Variants in XKR6 observed in about 807,000 individuals in gnomAD.
XKR6 encodes XK-related protein 6.
In XKR6, 22 loss-of-function variants were observed where a neutral mutation model predicts 56.7. That is an observed-to-expected ratio of 0.39 (90% CI 0.28 to 0.55). The LOEUF (loss-of-function observed/expected upper bound fraction) is 0.55, where lower values mean the gene tolerates loss of function less well. Ranked by LOEUF, XKR6 falls within the 20% of genes least tolerant of loss-of-function variation. The pLI, the probability that XKR6 is intolerant of heterozygous loss-of-function variation, is 0.66. For synonymous variants in XKR6, 524 were observed against 387.8 expected, an observed-to-expected ratio of 1.35 and a Z score of -4.13; for missense variants, 852 against 889.0, an observed-to-expected ratio of 0.96 and a Z score of 0.53.
chr8:11,113,456 C>T (rs900111745), intron 1 of XKR6, among the ~76,000 whole-genome samples: 12 of 152,140 alleles, frequency 7.9e-5, no homozygotes, highest in African/African-American at 2.9e-4. Flanking sequence ...TATATTTGAA[C>T]ATGTAATAGC....
At chr8:11,100,333 G>C (rs769158665) in intron 1 of XKR6, among the ~76,000 whole-genome samples, 1 of 152,218 alleles carries the variant, frequency 6.6e-6, no homozygotes, top group Non-Finnish European at 1.5e-5. Context: ...GGGATTACAA[G>C]TGTGAGCCAA....
intron 1 of XKR6, among the ~76,000 whole-genome samples, chr8:10,991,975 C>G (rs1336970245): frequency 6.6e-6 from 1 of 152,238 alleles, no homozygotes; most frequent in Non-Finnish European, 1.5e-5. Context: ...CACATTCTAA[C>G]TTCCTGTCTA....
chr8:11,186,981 C>A lies in XKR6; in HGVS notation c.764+13595G>T, dbSNP rs78337825. 6.8e-3 allele frequency among the ~76,000 whole-genome samples: 1,037 copies of A among 152,236 alleles called. 16 individuals carry two copies. Among genetic ancestry groups the A allele is most frequent in the African/African-American group, 0.023 (951 of 41,538 alleles). Reference sequence around the variant, plus strand: ...CCCTTCAAAAAGAAAGAGAAAAAAACCATGAAAACAGATTGTTTAGACTGC... The same window carrying A: ...CCCTTCAAAAAGAAAGAGAAAAAAAACATGAAAACAGATTGTTTAGACTGC... On this transcript the variant is annotated intron_variant, in intron 1 of 2. Transcript: ENST00000416569.
chr8:11,030,356 G>C (rs900401444), intron 1 of XKR6, among the ~76,000 whole-genome samples: 9 of 152,206 alleles, frequency 5.9e-5, no homozygotes, highest in African/African-American at 2.2e-4. Flanking sequence ...TGCTGCCATT[G>C]TTTCTCTGCA....
chr8:11,055,594 G>T (rs990338186), intron 1 of XKR6, among the ~76,000 whole-genome samples: 1 of 152,200 alleles, frequency 6.6e-6, no homozygotes, highest in Non-Finnish European at 1.5e-5. Flanking sequence ...AAGTCTGGCC[G>T]CTGCCCCCAA....
At chr8:10,909,899 T>C (rs369087955) in intron 2 of XKR6, among the ~76,000 whole-genome samples, 2 of 152,190 alleles carry the variant, frequency 1.3e-5, no homozygotes, top group East Asian at 1.9e-4. Flanking sequence ...GAGGAAGGAA[T>C]TGAGGCTCAG....
At chr8:11,021,885 A>G (rs977640539) in intron 1 of XKR6, among the ~76,000 whole-genome samples, 2 of 151,838 alleles carry the variant, frequency 1.3e-5, no homozygotes, top group African/African-American at 2.4e-5. Context: ...TGTTCCATAT[A>G]AACCTTTTTC....
chr8:11,090,928 T>G (rs1023386621), intron 1 of XKR6, among the ~76,000 whole-genome samples: 1 of 152,154 alleles, frequency 6.6e-6, no homozygotes. Context: ...ATTTGATAGA[T>G]GAGAAAACTG....
At chr8:11,108,119 A>G (rs1396403363) in intron 1 of XKR6, 1 of 341,436 alleles carries the variant, frequency 2.9e-6, no homozygotes, top group Non-Finnish European at 5.7e-6. Flanking sequence ...GAAACACGCA[A>G]AGGGACCCGT....
intron 1 of XKR6, among the ~76,000 whole-genome samples, chr8:11,006,962 C>T (rs1021721898): frequency 4.6e-5 from 7 of 152,188 alleles, no homozygotes; most frequent in African/African-American, 1.7e-4. Flanking sequence ...TCCTGTTTCC[C>T]TTTACTAATG....
chr8:11,136,669 C>T (rs1260704878), intron 1 of XKR6, among the ~76,000 whole-genome samples: 2 of 152,136 alleles, frequency 1.3e-5, no homozygotes, highest in African/African-American at 4.8e-5. Context: ...CTCTTTACCA[C>T]GTGAAGACAG....
intron 1 of XKR6, among the ~76,000 whole-genome samples, chr8:11,072,867 T>C (rs1043738500): frequency 6.6e-6 from 1 of 152,128 alleles, no homozygotes; most frequent in African/African-American, 2.4e-5. Flanking sequence ...CTGGCCAACA[T>C]GGTGAAACCC....
At chr8:11,090,568 C>T (rs2129172540) in intron 1 of XKR6, among the ~76,000 whole-genome samples, 1 of 152,266 alleles carries the variant, frequency 6.6e-6, no homozygotes, top group Middle Eastern at 3.4e-3. Flanking sequence ...CACTTGCCTG[C>T]ATTTTATGCC....
At chr8:10,997,563 G>A (rs982249050) in intron 1 of XKR6, among the ~76,000 whole-genome samples, 1 of 152,204 alleles carries the variant, frequency 6.6e-6, no homozygotes, top group East Asian at 1.9e-4. Flanking sequence ...TTACAAATGA[G>A]ATGAGGGTTA....
intron 1 of XKR6, among the ~76,000 whole-genome samples, chr8:11,132,110 T>C: frequency 6.6e-6 from 1 of 152,200 alleles, no homozygotes; most frequent in East Asian, 1.9e-4. Flanking sequence ...ATGCAGTAGG[T>C]CTGGTGCAGC....
At chr8:11,027,555 T>C (rs192531009) in intron 1 of XKR6, among the ~76,000 whole-genome samples, 6 of 152,312 alleles carry the variant, frequency 3.9e-5, no homozygotes, top group East Asian at 1.9e-4. Flanking sequence ...GTCAAGCTAA[T>C]TGAGGCTCAG....
At position 11,201,030 on chromosome 8, in the gene XKR6, C is replaced by A; in HGVS notation, c.310G>T (p.Gly104Cys). Residue 104 changes from glycine to cysteine, a missense_variant, in exon 1 of 3, where the codon GGC (glycine) becomes TGC (cysteine). By Grantham distance (159) the Gly-to-Cys change is radical. Around this residue, in one of 4 missense-constraint regions of XKR6, gnomAD observed 417 missense variants for 355.2 expected, o/e 1.17. Coordinates refer to ENST00000416569, the MANE Select transcript of XKR6 (RefSeq NM_173683.4). ...GCCGAGGGCGTCGGGGGTTGGCGGCCGGCGCCGGGGGCCGCGGGAGGCTGC... is the reference window on the plus strand; with the variant it reads ...GCCGAGGGCGTCGGGGGTTGGCGGCAGGCGCCGGGGGCCGCGGGAGGCTGC... ...PLQPPAAPGAGRQPPTPSAAR... is the reference protein window; with the variant it reads ...PLQPPAAPGACRQPPTPSAAR... The A allele has an allele frequency of 8.3e-7, 1 of 1,205,828 alleles. No individual in the cohort carries two copies. Among genetic ancestry groups the A allele is most frequent in the Non-Finnish European group, 1.0e-6 (1 of 975,592 alleles). 74.7% of individuals were successfully genotyped at this position (1,205,828 alleles called of 1,614,324 possible).
chr8:10,898,357 G>A lies in XKR6; in HGVS notation c.1521C>T (p.Ile507=), dbSNP rs1207791967. The A allele has an allele frequency of 2.5e-6, 4 of 1,613,934 alleles. No individual in the cohort carries two copies. Among genetic ancestry groups the A allele is most frequent in the African/African-American group, 2.7e-5 (2 of 74,916 alleles). Reference sequence around the variant, plus strand: ...GCTCGGCACAACAGGAGCTGGCAAGGATCTTAGCTCGTGGTCCTGTGGGAT... The same window carrying A: ...GCTCGGCACAACAGGAGCTGGCAAGAATCTTAGCTCGTGGTCCTGTGGGAT... The part of the protein sequence containing the change: ...VLHPTGPRAK[I]LASSCCAELL... The change falls in exon 3 of 3, where the codon ATC becomes ATT. Residue 507 remains isoleucine, a synonymous_variant. Transcript: ENST00000416569. The surrounding 1 kb of genome is among the most constrained non-coding windows in gnomAD (Gnocchi z 6.6).
At chr8:10,911,186 G>T (rs1018439286) in intron 2 of XKR6, among the ~76,000 whole-genome samples, 6 of 148,186 alleles carry the variant, frequency 4.0e-5, no homozygotes, top group African/African-American at 1.3e-4. Context: ...TATACATATA[G>T]AGAGAGGGTG....
Sources: gnomAD v4.1 joint callset for allele counts (sites outside exome capture counted in the v4.1 genomes callset) on GRCh38, gnomAD v4.1.1 for gene constraint, gnomAD v4.1.1 regional missense constraint, Gnocchi (gnomAD v3.1) non-coding constraint, MANE v1.5 for transcripts, NCBI Gene and HGNC (gene_info 2026-07-23, HGNC 2026-07-21) for gene names.